The following HEATR5A variants were observed in gnomAD, a reference collection of about 807,000 sequenced individuals.
HEATR5A encodes the protein HEAT repeat containing 5A, also known as HEAT repeat-containing protein 5A.
HEATR5A carries 178 observed loss-of-function variants against 218.8 expected under a neutral mutation model. The ratio of observed to expected loss-of-function variants is 0.81; its 90% CI spans 0.72 to 0.92. The LOEUF (loss-of-function observed/expected upper bound fraction) is 0.92. HEATR5A is among the 40% of genes least tolerant of loss of function. HEATR5A has a pLI of 0.00. For missense variants in HEATR5A, 2,420 were observed against 2,418.9 expected (o/e 1.00, Z -0.01); for synonymous variants, 864 against 871.6 (o/e 0.99, Z 0.15).
At position 31,345,047 on chromosome 14, in the gene HEATR5A, T is replaced by C. The variant is rs763566038; in HGVS notation, c.3058+40A>G. The C allele has an allele frequency of 3.9e-6, 6 of 1,533,428 alleles. No individual in the cohort carries two copies. The East Asian group carries it at 1.4e-4, about 35-fold the overall frequency. The allele number at this position is 1,533,428 out of a possible 1,614,324, so 95.0% of individuals were successfully genotyped here. A position where few individuals can be genotyped will look rare whatever the true frequency, so the allele number is the denominator to read the frequency against. ...GAACTGAATTCACTTTTATGTGTAT[T>C]ATTTTTAATGTAAAACATCACAAAA... On this transcript the variant is annotated intron_variant, in intron 20 of 35. Coordinates refer to ENST00000543095, the MANE Select transcript of HEATR5A (RefSeq NM_015473.4).
At chr14:31,303,776 TTC>T (rs1899466141) in intron 32 of HEATR5A, among the ~76,000 whole-genome samples, 1 of 152,128 alleles carries the variant, frequency 6.6e-6, no homozygotes, top group African/African-American at 2.4e-5. Context: ...TAAGGGTCAT[TTC>T]AGATCAAGTA....
chr14:31,318,143 G>GA (rs1431544971), intron 26 of HEATR5A, 81 bp downstream of exon 26: 6 of 1,216,160 alleles, frequency 4.9e-6, no homozygotes, highest in Non-Finnish European at 7.3e-6. Flanking sequence ...CAACCATAAA[G>GA]AAAAAACATT....
intron 31 of HEATR5A, among the ~76,000 whole-genome samples, 194 bp downstream of exon 31, chr14:31,306,538 A>T (rs543456368): frequency 7.9e-5 from 12 of 152,264 alleles, no homozygotes; most frequent in African/African-American, 2.4e-4. Flanking sequence ...ACTTTCAGGG[A>T]TCATTTCTAT....
chr14:31,329,642 T>A (rs1900395563), intron 22 of HEATR5A, among the ~76,000 whole-genome samples: 1 of 152,116 alleles, frequency 6.6e-6, no homozygotes, highest in Non-Finnish European at 1.5e-5. Flanking sequence ...TGGCGTTGAG[T>A]ATATGTGGCT....
intron 7 of HEATR5A, 127 bp downstream of exon 7, chr14:31,388,718 T>C: frequency 3.2e-6 from 2 of 634,602 alleles, no homozygotes; most frequent in South Asian, 3.5e-5. Context: ...TTACCATTTA[T>C]ATCTATTTAT....
intron 21 of HEATR5A, among the ~76,000 whole-genome samples, chr14:31,342,334 G>A (rs1241470379): frequency 6.6e-6 from 1 of 152,164 alleles, no homozygotes; most frequent in East Asian, 1.9e-4. Context: ...GCTACTGTGA[G>A]CTATGATTGC....
At position 31,326,009 on chromosome 14, in the gene HEATR5A, C is replaced by T; in HGVS notation, c.3547+154G>A. On this transcript the variant is annotated intron_variant, in intron 23 of 35. Transcript: ENST00000543095. ...TCAAATTACAGAGAATTCTAAAACACTAGAAATACAATCTTCATTTGAAGA... is the reference window on the plus strand; with the variant it reads ...TCAAATTACAGAGAATTCTAAAACATTAGAAATACAATCTTCATTTGAAGA... The T allele has an allele frequency of 4.7e-6, 3 of 639,554 alleles. No homozygotes were observed. In the Admixed American group the frequency reaches 8.1e-5, roughly 17 times the overall value. 39.6% of individuals were successfully genotyped at this position (639,554 alleles called of 1,614,324 possible). A position where few individuals can be genotyped will look rare whatever the true frequency, so the allele number is the denominator to read the frequency against.
In HEATR5A at chr14:31,311,684, T is replaced by TAA. The variant is rs1311572219; in HGVS notation, c.4441+1282_4441+1283dup. Among the ~76,000 whole-genome samples, 857 of 151,650 alleles carry TAA rather than the reference T, an allele frequency of 5.7e-3. 8 individuals are homozygous for TAA. The highest frequency in any genetic ancestry group is 0.019 in the African/African-American group (782 of 41,218). On this transcript the variant is annotated intron_variant, in intron 28 of 35. Transcript: ENST00000543095. ...ATAGTGTTGTGTATATATATATATA[T>TAA]AAAAAAGATTAAACAATCAGGAAGA...
At chr14:31,359,404 A>C (rs1001996638) in intron 14 of HEATR5A, among the ~76,000 whole-genome samples, 5 of 152,064 alleles carry the variant, frequency 3.3e-5, no homozygotes, top group African/African-American at 1.2e-4. Context: ...TATGTTTTTT[A>C]AAAAAGCACA....
chr14:31,341,992 T>G (rs903819351), intron 21 of HEATR5A, among the ~76,000 whole-genome samples: 1 of 152,174 alleles, frequency 6.6e-6, no homozygotes, highest in Non-Finnish European at 1.5e-5. Context: ...GGTAAAATCC[T>G]TTTCCTGTAA....
intron 13 of HEATR5A, among the ~76,000 whole-genome samples, chr14:31,366,653 T>G (rs193220345): frequency 6.6e-5 from 10 of 152,304 alleles, no homozygotes; most frequent in Non-Finnish European, 1.5e-4. Context: ...AATAAATCTT[T>G]TATCAGGATA....
At chr14:31,414,839 ATTTGTTTGTTTG>A (rs369840968) in intron 1 of HEATR5A, among the ~76,000 whole-genome samples, 2 of 151,576 alleles carry the variant, frequency 1.3e-5, no homozygotes, top group Non-Finnish European at 2.9e-5. Context: ...TTATTTATTT[ATTTGTTTGTTTG>A]TTTGTTTGTG....
intron 22 of HEATR5A, among the ~76,000 whole-genome samples, chr14:31,336,867 T>C (rs1900688884): frequency 2.0e-5 from 3 of 152,212 alleles, no homozygotes; most frequent in African/African-American, 7.2e-5. Flanking sequence ...GGCAATTTCA[T>C]TGTCATGTGA....
chr14:31,369,882 G>A (rs892070862), intron 13 of HEATR5A, among the ~76,000 whole-genome samples: 3 of 150,026 alleles, frequency 2.0e-5, no homozygotes, highest in East Asian at 2.0e-4. Flanking sequence ...TGCTGTGACC[G>A]GAGATCGCGC....
chr14:31,396,388 G>C (rs573680737), intron 4 of HEATR5A, among the ~76,000 whole-genome samples: 3 of 151,770 alleles, frequency 2.0e-5, no homozygotes, highest in African/African-American at 7.3e-5. Context: ...AGGGTGCAGT[G>C]AGTACAGACT....
At position 31,359,034 on chromosome 14, in the gene HEATR5A, C is replaced by T. The variant is rs1049263370; in HGVS notation, c.2095G>A (p.Glu699Lys). The change falls in exon 15 of 36, where the codon GAG (glutamate) becomes AAG (lysine). Residue 699 changes from glutamate to lysine, a missense_variant. By Grantham distance (56) the Glu-to-Lys change is moderately conservative (BLOSUM62 1). Transcript: ENST00000543095. ...GGGGCAGTCAAGTCAGCAGCCAGCT[C>T]TCTGAGGATAGCACAGAGGTTTCCT... is the stretch of plus-strand genomic sequence containing the variant. ...YEGNLCAILR[E>K]LAADLTAPDI... 7 of 1,590,978 alleles carry T rather than the reference C, an allele frequency of 4.4e-6. No homozygotes were observed. The highest frequency in any genetic ancestry group is 5.1e-6 in the Non-Finnish European group (6 of 1,174,806).
At chr14:31,412,869 C>T (rs2031325159) in intron 1 of HEATR5A, among the ~76,000 whole-genome samples, 1 of 152,080 alleles carries the variant, frequency 6.6e-6, no homozygotes, top group Non-Finnish European at 1.5e-5. Context: ...AGCCAAACTC[C>T]ATCTCAAAAA....
At chr14:31,385,391 AG>A (rs2030175709) in intron 9 of HEATR5A, among the ~76,000 whole-genome samples, 2 of 152,090 alleles carry the variant, frequency 1.3e-5, no homozygotes, top group Admixed American at 1.3e-4. Flanking sequence ...GGTCTCCTAA[AG>A]TGCTGGGATT....
At chr14:31,307,834 C>T in intron 30 of HEATR5A, 59 bp downstream of exon 30, 1 of 1,558,340 alleles carries the variant, frequency 6.4e-7, no homozygotes, top group Non-Finnish European at 8.7e-7. Flanking sequence ...GAAACCTGAA[C>T]ATGTTTCTCT....
Sources: allele counts gnomAD v4.1 joint callset (sites outside exome capture counted in the v4.1 genomes callset), GRCh38; gene constraint gnomAD v4.1.1; transcripts MANE v1.5; gene names NCBI Gene and HGNC (gene_info 2026-07-23, HGNC 2026-07-21).